The following GABBR2 variants were observed in gnomAD, a reference collection of about 807,000 sequenced individuals.
The protein encoded by GABBR2 is G-protein coupled receptor 51.
In GABBR2, 23 loss-of-function variants were observed where a neutral mutation model predicts 105.6. The observed-to-expected ratio is 0.22, with a 90% CI of 0.16 to 0.31. The LOEUF (loss-of-function observed/expected upper bound fraction) is 0.31, where lower values mean the gene tolerates loss of function less well. GABBR2 is among the 10% of genes least tolerant of loss of function. The probability of loss-of-function intolerance (pLI) is 1.00; values close to 1 mark genes in which losing one functional copy is unlikely to be tolerated. For synonymous variants in GABBR2, 478 were observed against 499.7 expected, an observed-to-expected ratio of 0.96 and a Z score of 0.58; for missense variants, 734 against 1,245.5, an observed-to-expected ratio of 0.59 and a Z score of 6.18.
At chr9:98,341,790 C>T (rs1831218215) in intron 13 of GABBR2, among the ~76,000 whole-genome samples, 1 of 152,094 alleles carries the variant, frequency 6.6e-6, no homozygotes, top group Admixed American at 6.5e-5. Context: ...CACTTGGCAG[C>T]CTCAGCCCCA....
At position 98,642,804 on chromosome 9, in the gene GABBR2, T is replaced by C. The variant is rs1046061066; in HGVS notation, c.322-64732A>G. On this transcript the variant is annotated intron_variant, in intron 1 of 18. Transcript: ENST00000259455. ...ACATTATGAAATGCACATCTTACTG[T>C]GGATCTGTCAGAAAGATTTGAAAAG... Among the ~76,000 whole-genome samples, 2 of 152,218 alleles carry C rather than the reference T, an allele frequency of 1.3e-5. 1 individual carries two copies. The highest frequency in any genetic ancestry group is 4.1e-4 in the South Asian group (2 of 4,824).
intron 1 of GABBR2, among the ~76,000 whole-genome samples, chr9:98,666,624 C>T (rs1159802031): frequency 6.6e-6 from 1 of 152,156 alleles, no homozygotes; most frequent in African/African-American, 2.4e-5. Context: ...CCTCTGGCCT[C>T]AGCCTCCCAA....
chr9:98,533,719 TGAG>T (rs2131730115), intron 3 of GABBR2, among the ~76,000 whole-genome samples: 1 of 151,092 alleles, frequency 6.6e-6, no homozygotes, highest in Admixed American at 6.6e-5. Flanking sequence ...GGGAGAAAAA[TGAG>T]GAGGAAGAAC....
At chr9:98,538,651 C>T (rs1462906874) in intron 3 of GABBR2, 1 of 967,680 alleles carries the variant, frequency 1.0e-6, no homozygotes, top group East Asian at 1.1e-4. Flanking sequence ...CAGTAATAAG[C>T]TCCGTGGGAG....
In GABBR2 at chr9:98,454,243, T is replaced by A; in HGVS notation, c.1000-26A>T. 6.7e-7 allele frequency: 1 copy of A among 1,501,358 alleles called. No homozygotes were observed. The highest frequency in any genetic ancestry group is 9.3e-7 in the Non-Finnish European group (1 of 1,077,342). The allele number at this position is 1,501,358 out of a possible 1,614,324, so 93.0% of individuals were successfully genotyped here. A position where few individuals can be genotyped will look rare whatever the true frequency, so the allele number is the denominator to read the frequency against. ...CTGGAAAAACAGGGGATTGGGGGAA[T>A]CCCAAGTTATACTCGGCAGGGACAT... On this transcript the variant is annotated intron_variant, in intron 6 of 18. Transcript: ENST00000259455. The surrounding 1 kb of genome is among the most constrained non-coding windows in gnomAD (Gnocchi z 4.6).
chr9:98,649,362 A>G (rs921255757), intron 1 of GABBR2, among the ~76,000 whole-genome samples: 2 of 152,230 alleles, frequency 1.3e-5, no homozygotes, highest in Non-Finnish European at 2.9e-5. Flanking sequence ...AAAGCTGGAA[A>G]GACTGAGTGG....
At chr9:98,600,219 C>T (rs1829305468) in intron 1 of GABBR2, among the ~76,000 whole-genome samples, 1 of 152,132 alleles carries the variant, frequency 6.6e-6, no homozygotes, top group African/African-American at 2.4e-5. Context: ...ACCAGAGGCC[C>T]AAATCACAGC....
intron 1 of GABBR2, among the ~76,000 whole-genome samples, chr9:98,617,978 T>C (rs1328427858): frequency 2.0e-5 from 3 of 152,208 alleles, no homozygotes; most frequent in African/African-American, 7.2e-5. Flanking sequence ...ATCTATCCAA[T>C]TGGCTTCTCT....
At chr9:98,331,541 G>T (rs565685915) in intron 13 of GABBR2, among the ~76,000 whole-genome samples, 192 of 151,832 alleles carry the variant, frequency 1.3e-3, no homozygotes, top group African/African-American at 4.5e-3. Context: ...TTGTCCCCCT[G>T]GACTGGGGGA....
intron 2 of GABBR2, among the ~76,000 whole-genome samples, chr9:98,571,086 C>T (rs1023334901): frequency 1.3e-5 from 2 of 152,228 alleles, no homozygotes; most frequent in Admixed American, 6.5e-5. Context: ...ATAGCAAACA[C>T]CCTGGGAGGG....
intron 1 of GABBR2, among the ~76,000 whole-genome samples, chr9:98,669,474 CTCAA>C (rs1301170518): frequency 3.9e-5 from 6 of 152,184 alleles, no homozygotes; most frequent in Non-Finnish European, 8.8e-5. Flanking sequence ...TTCAGTTCTT[CTCAA>C]TCATTTCACA....
chr9:98,537,359 G>A lies in GABBR2; in HGVS notation c.630+4514C>T, dbSNP rs1215728649. Among the ~76,000 whole-genome samples the A allele has an allele frequency of 3.3e-5, 5 of 152,154 alleles. No individual in the cohort carries two copies. In the East Asian group the frequency reaches 9.6e-4, roughly 29 times the overall value. On this transcript the variant is annotated intron_variant, in intron 3 of 18. Transcript: ENST00000259455. The stretch of plus-strand genomic sequence containing the variant: ...AAAAGGTAAAACTATTCCTGGGGCT[G>A]GGGGGTGGAACTGACTACAAATGGG...
At chr9:98,550,948 CA>C (rs59811115) in intron 2 of GABBR2, among the ~76,000 whole-genome samples, 11,143 of 149,480 alleles carry the variant, frequency 0.075, 820 homozygotes, top group African/African-American at 0.19. Context: ...TACACTCACT[CA>C]AAAAAAAAAT....
intron 13 of GABBR2, among the ~76,000 whole-genome samples, chr9:98,325,794 C>T (rs1461740507): frequency 6.6e-6 from 1 of 152,156 alleles, no homozygotes; most frequent in African/African-American, 2.4e-5. Context: ...GGTTAATGTC[C>T]ACATTTATGG....
chr9:98,694,149 A>G (rs1830719183), intron 1 of GABBR2, among the ~76,000 whole-genome samples: 2 of 152,244 alleles, frequency 1.3e-5, no homozygotes, highest in African/African-American at 4.8e-5. Context: ...CCTGGGCTGC[A>G]GTGGACTGGC....
intron 3 of GABBR2, among the ~76,000 whole-genome samples, chr9:98,504,584 A>G (rs1827468343): frequency 6.6e-6 from 1 of 152,244 alleles, no homozygotes. Flanking sequence ...CAGCTCTCCT[A>G]TGGAAGCTGA....
chr9:98,349,503 A>C (rs547495830), intron 13 of GABBR2, among the ~76,000 whole-genome samples: 4 of 151,256 alleles, frequency 2.6e-5, no homozygotes, highest in African/African-American at 9.7e-5. Context: ...ACAGGCATGC[A>C]CCACCAGGCC....
chr9:98,507,443 G>A (rs1414014968), intron 3 of GABBR2, among the ~76,000 whole-genome samples: 1 of 152,134 alleles, frequency 6.6e-6, no homozygotes, highest in Non-Finnish European at 1.5e-5. Context: ...GCATCTAGAA[G>A]GTGGGAAAGG....
intron 3 of GABBR2, among the ~76,000 whole-genome samples, chr9:98,502,499 C>T (rs964376284): frequency 9.2e-5 from 14 of 152,168 alleles, no homozygotes; most frequent in Non-Finnish European, 8.8e-5. Context: ...AGTGTGTGGG[C>T]CAGCCTGTTC....
Sources: gnomAD v4.1 joint callset for allele counts (sites outside exome capture counted in the v4.1 genomes callset) on GRCh38, gnomAD v4.1.1 for gene constraint, Gnocchi (gnomAD v3.1) non-coding constraint, MANE v1.5 for transcripts, NCBI Gene and HGNC (gene_info 2026-07-23, HGNC 2026-07-21) for gene names.